The following TTC8 variants were observed in gnomAD, a reference collection of about 807,000 sequenced individuals.
TTC8 encodes the protein tetratricopeptide repeat domain 8.
TTC8 carries 47 observed loss-of-function variants against 72.5 expected under a neutral mutation model. The ratio of observed to expected loss-of-function variants is 0.65; its 90% CI spans 0.51 to 0.83. The LOEUF (loss-of-function observed/expected upper bound fraction) is 0.83, where lower values mean the gene tolerates loss of function less well. TTC8 is among the 40% of genes least tolerant of loss of function. The pLI is 0.00. For missense variants in TTC8, 611 were observed against 623.2 expected (o/e 0.98, Z 0.21); for synonymous variants, 199 against 221.4 (o/e 0.90, Z 0.90).
At chr14:88,846,662 A>G (rs1399616201) in intron 7 of TTC8, 1 of 1,450,432 alleles carries the variant, frequency 6.9e-7, no homozygotes, top group Non-Finnish European at 9.3e-7. Flanking sequence ...AATAAAAATC[A>G]CATTGAAAAA....
chr14:88,844,946 A>T (rs1595947729), intron 7 of TTC8, among the ~76,000 whole-genome samples: 1 of 152,314 alleles, frequency 6.6e-6, no homozygotes, highest in East Asian at 1.9e-4. Flanking sequence ...AAGCCATGTA[A>T]TCTAGCTGAA....
intron 2 of TTC8, among the ~76,000 whole-genome samples, chr14:88,838,326 GGT>G (rs1276178228): frequency 1.3e-5 from 2 of 152,074 alleles, no homozygotes. Flanking sequence ...CTAGCCTGCT[GGT>G]ATTTAATTAG....
At chr14:88,863,534 A>G (rs2094897588) in intron 10 of TTC8, among the ~76,000 whole-genome samples, 1 of 152,232 alleles carries the variant, frequency 6.6e-6, no homozygotes, top group Admixed American at 6.5e-5. Flanking sequence ...TTATCACACA[A>G]CAAAGACTCC....
chr14:88,857,423 G>A, intron 9 of TTC8, 146 bp downstream of exon 9: 19 of 737,724 alleles, frequency 2.6e-5, no homozygotes, highest in Admixed American at 1.1e-4. Context: ...TTTACAGCAA[G>A]GGAAAAAATG....
At position 88,871,406 on chromosome 14, in the gene TTC8, A is replaced by T; in HGVS notation, c.1050-143A>T. 1 of 743,296 alleles carries T rather than the reference A, an allele frequency of 1.3e-6. No individual in the cohort carries two copies. The highest frequency in any genetic ancestry group is 2.5e-5 in the Admixed American group (1 of 39,810). 46.0% of individuals were successfully genotyped at this position (743,296 alleles called of 1,614,324 possible). ...ATTTGCTTTAAACATTTTTTCATTTACTATAACACGTATTTATATTCTTAA... is the reference window on the plus strand; with the variant it reads ...ATTTGCTTTAAACATTTTTTCATTTTCTATAACACGTATTTATATTCTTAA... On this transcript the variant is annotated intron_variant, in intron 11 of 14. Coordinates refer to ENST00000380656, the MANE Select transcript of TTC8 (RefSeq NM_144596.4). This position sits in a 1 kb window ranked among gnomAD's most constrained non-coding sequence, Gnocchi z 4.1.
intron 1 of TTC8, among the ~76,000 whole-genome samples, chr14:88,832,897 A>G (rs1217538732): frequency 6.6e-6 from 1 of 152,066 alleles, no homozygotes; most frequent in East Asian, 1.9e-4. Flanking sequence ...TGTAACTTCC[A>G]TCCTTTGGGG....
intron 9 of TTC8, among the ~76,000 whole-genome samples, chr14:88,858,736 G>A (rs2094869148): frequency 6.7e-6 from 1 of 148,736 alleles, no homozygotes; most frequent in Admixed American, 6.7e-5. Context: ...TGGGACCACA[G>A]GCCACCATGC....
Position 88,866,462 on chromosome 14 carries a change from C to T in TTC8, c.910-3597C>T, listed in dbSNP as rs528477464. Among the ~76,000 whole-genome samples, 12 of 151,392 alleles carry T rather than the reference C, an allele frequency of 7.9e-5. No individual in the cohort carries two copies. In the East Asian group the frequency reaches 1.7e-3, roughly 22 times the overall value. ...TTAGTCAAGAATGTAAACATGGAAA[C>T]GAGGTATTTCCATGTCATGGTGTGG... On this transcript the variant is annotated intron_variant, in intron 10 of 14. Coordinates refer to ENST00000380656, the MANE Select transcript of TTC8 (RefSeq NM_144596.4).
chr14:88,843,817 G>A lies in TTC8; in HGVS notation c.591G>A (p.Glu197=). The change falls in exon 7 of 15, where the codon GAG becomes GAA. Residue 197 remains glutamate, a synonymous_variant. Transcript: ENST00000380656. Reference sequence around the variant, plus strand: ...TTTTTTCTTCACAGGCTTTGTTTGAGTATATCTTTCATCATGAAAATGATG... The same window carrying A: ...TTTTTTCTTCACAGGCTTTGTTTGAATATATCTTTCATCATGAAAATGATG... The part of the protein sequence containing the change: ...QKPKLAKALF[E]YIFHHENDVK... The A allele has an allele frequency of 1.3e-6, 2 of 1,596,280 alleles. No homozygotes were observed. The highest frequency in any genetic ancestry group is 1.7e-5 in the Admixed American group (1 of 58,706).
At chr14:88,830,059 T>C (rs1430553930) in intron 1 of TTC8, among the ~76,000 whole-genome samples, 3 of 152,196 alleles carry the variant, frequency 2.0e-5, no homozygotes, top group African/African-American at 7.2e-5. Context: ...ATCCATCAAT[T>C]CCTCTATTCT....
At chr14:88,840,725 A>T in intron 3 of TTC8, 140 bp from the exon 4 acceptor site, 1 of 821,630 alleles carries the variant, frequency 1.2e-6, no homozygotes, top group Non-Finnish European at 2.0e-6. Flanking sequence ...TATTAGTCTA[A>T]AACACATCTC....
chr14:88,848,354 T>A (rs2094818393), intron 7 of TTC8, among the ~76,000 whole-genome samples: 1 of 152,142 alleles, frequency 6.6e-6, no homozygotes, highest in South Asian at 2.1e-4. Flanking sequence ...TACAGTTAGT[T>A]GTCATACATT....
At chr14:88,847,382 A>G (rs964014543) in intron 7 of TTC8, among the ~76,000 whole-genome samples, 1 of 152,198 alleles carries the variant, frequency 6.6e-6, no homozygotes, top group Admixed American at 6.5e-5. Context: ...GAGAAAAGAG[A>G]CAGCAAACAT....
chr14:88,862,322 T>A (rs971124204), intron 10 of TTC8, among the ~76,000 whole-genome samples: 6 of 151,592 alleles, frequency 4.0e-5, no homozygotes, highest in Non-Finnish European at 8.8e-5. Flanking sequence ...TGTCCATATT[T>A]AAATTGGATT....
At chr14:88,855,429 C>T (rs2094851660) in intron 8 of TTC8, among the ~76,000 whole-genome samples, 1 of 152,076 alleles carries the variant, frequency 6.6e-6, no homozygotes, top group South Asian at 2.1e-4. Context: ...TGTTTTATGC[C>T]TTGACTTTCT....
chr14:88,837,865 GT>G (rs1443800580), intron 2 of TTC8, among the ~76,000 whole-genome samples: 1 of 152,096 alleles, frequency 6.6e-6, no homozygotes, highest in African/African-American at 2.4e-5. Context: ...TCCAATTGGA[GT>G]TCCAATAGGA....
At chr14:88,859,857 C>A (rs867660386) in intron 9 of TTC8, among the ~76,000 whole-genome samples, 23 of 134,260 alleles carry the variant, frequency 1.7e-4, no homozygotes, top group South Asian at 6.9e-4. Flanking sequence ...AATATATAAT[C>A]ATATATAATA....
downstream of TTC8, chr14:88,880,080 T>C (rs1418888257): frequency 1.3e-5 from 2 of 152,098 alleles, no homozygotes; most frequent in African/African-American, 4.8e-5. Flanking sequence ...AAACAAATAT[T>C]TTAGAAAGGC....
chr14:88,864,267 C>T (rs539000792), intron 10 of TTC8, among the ~76,000 whole-genome samples: 1 of 152,236 alleles, frequency 6.6e-6, no homozygotes, highest in South Asian at 2.1e-4. Flanking sequence ...AAATAGAAGC[C>T]TTTGATCAAT....
Sources: allele counts gnomAD v4.1 joint callset (sites outside exome capture counted in the v4.1 genomes callset), GRCh38; gene constraint gnomAD v4.1.1; non-coding constraint Gnocchi (gnomAD v3.1); transcripts MANE v1.5; gene names NCBI Gene and HGNC (gene_info 2026-07-23, HGNC 2026-07-21).